Variants in SPATA7 observed in about 807,000 individuals in gnomAD.
The protein encoded by SPATA7 is spermatogenesis-associated protein 7.
SPATA7 carries 43 observed loss-of-function variants against 51.8 expected under a neutral mutation model. That is an observed-to-expected ratio of 0.83 (90% confidence interval 0.65 to 1.07). SPATA7 has a LOEUF of 1.07. Among genes scored for constraint, SPATA7 ranks in the 50% least tolerant of loss-of-function variants. The pLI is 0.00. For synonymous variants in SPATA7, 230 were observed against 252.8 expected (o/e 0.91, Z 0.86); for missense variants, 683 against 701.3 (o/e 0.97, Z 0.30).
At chr14:88,386,596 G>A (rs1278900143) in intron 1 of SPATA7, among the ~76,000 whole-genome samples, 1 of 152,142 alleles carries the variant, frequency 6.6e-6, no homozygotes, top group East Asian at 1.9e-4. Context: ...GACATCATGT[G>A]GTGGGGTTGG....
At chr14:88,446,849 T>G (rs1450794926) in intron 3 of SPATA7, among the ~76,000 whole-genome samples, 1 of 151,926 alleles carries the variant, frequency 6.6e-6, no homozygotes, top group Non-Finnish European at 1.5e-5. Flanking sequence ...GTCTGAGAGA[T>G]AGTTTGTTAT....
downstream of SPATA7, among the ~76,000 whole-genome samples, chr14:88,441,663 A>G (rs1015033263): frequency 1.3e-5 from 2 of 151,992 alleles, no homozygotes; most frequent in Admixed American, 1.3e-4. Context: ...AGAATTGTCT[A>G]TTCATGTCCT....
At chr14:88,410,875 G>A (rs1476640073) in intron 4 of SPATA7, 1 of 153,254 alleles carries the variant, frequency 6.5e-6, no homozygotes, top group Admixed American at 6.5e-5. Context: ...CACCTGAGGA[G>A]GCAGTCTGTC....
intron 8 of SPATA7, among the ~76,000 whole-genome samples, chr14:88,429,693 A>C (rs529693255): frequency 9.4e-4 from 143 of 152,272 alleles, no homozygotes; most frequent in African/African-American, 3.4e-3. Flanking sequence ...GGAAAAAACC[A>C]CACCAACTTG....
At chr14:88,440,439 G>A (rs2077170704), downstream of SPATA7, among the ~76,000 whole-genome samples, 1 of 152,176 alleles carries the variant, frequency 6.6e-6, no homozygotes, top group Non-Finnish European at 1.5e-5. Flanking sequence ...TATTAAAAAT[G>A]GTTCTTGAAT....
intron 8 of SPATA7, among the ~76,000 whole-genome samples, chr14:88,430,039 T>C (rs1029783688): frequency 2.0e-5 from 3 of 152,094 alleles, no homozygotes; most frequent in East Asian, 1.9e-4. Flanking sequence ...AGGAATATTA[T>C]ACATTAATTA....
intron 6 of SPATA7, 104 bp downstream of exon 6, chr14:88,426,808 G>T (rs2076807745): frequency 1.9e-6 from 2 of 1,035,146 alleles, no homozygotes; most frequent in Non-Finnish European, 2.9e-6. Context: ...ATCTGATAGT[G>T]CCCTTTTGAT....
intron 5 of SPATA7, among the ~76,000 whole-genome samples, chr14:88,422,552 A>T (rs1366830343): frequency 6.7e-6 from 1 of 148,800 alleles, no homozygotes; most frequent in Non-Finnish European, 1.5e-5. Context: ...ATATATTTTA[A>T]TATATCTTTT....
chr14:88,454,966 G>T, intron 3 of SPATA7: 1 of 407,758 alleles, frequency 2.5e-6, no homozygotes, highest in Non-Finnish European at 4.9e-6. Flanking sequence ...AAATCACCTG[G>T]AAAACTAAAG....
At chr14:88,396,308 T>C (rs1185523615) in intron 4 of SPATA7, 105 bp downstream of exon 4, 1 of 761,522 alleles carries the variant, frequency 1.3e-6, no homozygotes, top group African/African-American at 1.8e-5. Flanking sequence ...CAGTTCAATA[T>C]TAAGTACATT....
intron 3 of SPATA7, among the ~76,000 whole-genome samples, chr14:88,454,288 G>A (rs1306190751): frequency 1.3e-5 from 2 of 152,104 alleles, no homozygotes; most frequent in African/African-American, 2.4e-5. Context: ...CTAGCCAATT[G>A]TGGAGGATCT....
chr14:88,437,014 G>T (rs2077107635), intron 10 of SPATA7, among the ~76,000 whole-genome samples: 1 of 150,570 alleles, frequency 6.6e-6, no homozygotes, highest in African/African-American at 2.4e-5. Context: ...ATTGCTTTGG[G>T]TGGTGTGGAC....
In SPATA7 at chr14:88,391,416, C is replaced by T; in HGVS notation, c.55C>T (p.Pro19Ser). 6.2e-7 allele frequency: 1 copy of T among 1,613,606 alleles called. No homozygotes were observed. The highest frequency in any genetic ancestry group is 8.5e-7 in the Non-Finnish European group (1 of 1,179,784). ...CTCTGTCCTTCCCAGATATGGTCCA[C>T]CGTGCCTATTTAAAGGACACTTGAG... ...ATSVLPRYGPPCLFKGHLSTK... is the reference protein window; with the variant it reads ...ATSVLPRYGPSCLFKGHLSTK... The change falls in exon 2 of 12, where the codon CCG becomes TCG. Residue 19 changes from proline (P) to serine (S), a missense_variant. By Grantham distance (74) the Pro-to-Ser change is moderately conservative (BLOSUM62 -1). Coordinates refer to ENST00000393545, the MANE Select transcript of SPATA7 (RefSeq NM_018418.5).
chr14:88,390,478 A>G (rs996267283), intron 1 of SPATA7, among the ~76,000 whole-genome samples: 4 of 152,218 alleles, frequency 2.6e-5, no homozygotes, highest in African/African-American at 9.6e-5. Flanking sequence ...TAGCAAGCCC[A>G]GTGAAATGAA....
At chr14:88,445,371 T>G (rs2077204402) in intron 3 of SPATA7, among the ~76,000 whole-genome samples, 1 of 152,066 alleles carries the variant, frequency 6.6e-6, no homozygotes, top group Non-Finnish European at 1.5e-5. Flanking sequence ...CTTATCAGCT[T>G]AAGGAGATTT....
downstream of SPATA7, among the ~76,000 whole-genome samples, chr14:88,440,996 A>C (rs563979880): frequency 1.3e-5 from 2 of 152,168 alleles, no homozygotes; most frequent in South Asian, 4.2e-4. Flanking sequence ...CTTTCCCCTC[A>C]GCCCCCAAAG....
intron 4 of SPATA7, among the ~76,000 whole-genome samples, chr14:88,411,496 G>T (rs991090112): frequency 1.3e-5 from 2 of 152,130 alleles, no homozygotes; most frequent in Non-Finnish European, 2.9e-5. Flanking sequence ...GGGCCTTGGT[G>T]GTGTAGGCAC....
chr14:88,438,295 G>C lies in SPATA7; in HGVS notation c.1673G>C (p.Gly558Ala), dbSNP rs1566791398. 6.2e-7 allele frequency: 1 copy of C among 1,613,968 alleles called. No individual in the cohort carries two copies. The highest frequency in any genetic ancestry group is 8.5e-7 in the Non-Finnish European group (1 of 1,179,914). Reference sequence around the variant, plus strand: ...GTTGAGATTTCAAATGGATTATGTGGTCTTAACACATCACCCTCCCAATCT... The same window carrying C: ...GTTGAGATTTCAAATGGATTATGTGCTCTTAACACATCACCCTCCCAATCT... Reference protein sequence around the residue: ...EKVEISNGLCGLNTSPSQSVQ... With the variant: ...EKVEISNGLCALNTSPSQSVQ... Residue 558 changes from glycine (G) to alanine (A), a missense_variant, in exon 12 of 12, where the codon GGT becomes GCT. Coordinates refer to ENST00000393545, the MANE Select transcript of SPATA7 (RefSeq NM_018418.5).
chr14:88,429,720 T>A (rs2076890268), intron 8 of SPATA7, among the ~76,000 whole-genome samples: 1 of 152,120 alleles, frequency 6.6e-6, no homozygotes, highest in African/African-American at 2.4e-5. Flanking sequence ...TTATTATCAC[T>A]GTTCATTAAA....
Sources: gnomAD v4.1 joint callset for allele counts (sites outside exome capture counted in the v4.1 genomes callset) on GRCh38, gnomAD v4.1.1 for gene constraint, MANE v1.5 for transcripts, NCBI Gene and HGNC (gene_info 2026-07-23, HGNC 2026-07-21) for gene names.